Variants in ADAM12 observed in about 807,000 individuals in gnomAD.
ADAM12 encodes disintegrin and metalloproteinase domain-containing protein 12.
Under a neutral mutation model 106.4 loss-of-function variants are expected in ADAM12, and 70 were observed. The ratio of observed to expected loss-of-function variants is 0.66; its 90% CI spans 0.54 to 0.80. ADAM12 has a LOEUF of 0.80. Among genes scored for constraint, ADAM12 ranks in the 30% least tolerant of loss-of-function variants. ADAM12 has a pLI of 0.00. For synonymous variants in ADAM12, 420 were observed against 433.5 expected (o/e 0.97, Z 0.39); for missense variants, 1,010 against 1,171.9 (o/e 0.86, Z 2.02).
At chr10:126,373,547 G>C (rs2133923542) in intron 1 of ADAM12, among the ~76,000 whole-genome samples, 1 of 152,278 alleles carries the variant, frequency 6.6e-6, no homozygotes, top group East Asian at 1.9e-4. Flanking sequence ...ACTCGCTCTA[G>C]AGGCCATGAA....
intron 8 of ADAM12, 42 bp from the exon 9 acceptor site, chr10:126,101,283 G>A (rs370295047): frequency 5.7e-5 from 90 of 1,587,988 alleles, no homozygotes; most frequent in African/African-American, 9.4e-5. Flanking sequence ...TTGGGATCAC[G>A]TTAATAAAAA....
intron 17 of ADAM12, among the ~76,000 whole-genome samples, chr10:126,045,073 C>T (rs1463723478): frequency 6.6e-6 from 1 of 152,134 alleles, no homozygotes; most frequent in African/African-American, 2.4e-5. Context: ...TGGATAAGGC[C>T]AAGGGGTATT....
chr10:126,081,176 C>T (rs1029353712), intron 11 of ADAM12, among the ~76,000 whole-genome samples: 17 of 152,148 alleles, frequency 1.1e-4, no homozygotes, highest in African/African-American at 4.1e-4. Context: ...GTCTAGGTTC[C>T]CCACCTCCAA....
rs372339785 is a variant in ADAM12 at position 126,372,566 on chromosome 10, G to A, written c.88+15492C>T. On this transcript the variant is annotated intron_variant, in intron 1 of 22. Transcript: ENST00000448723. ...TATAACTACAACGCCAGAACACACA[G>A]CACTCTTGACCCACTAAATCCATAA... 1.4e-4 allele frequency among the ~76,000 whole-genome samples: 22 copies of A among 152,264 alleles called. 2 individuals carry two copies. The highest frequency in any genetic ancestry group is 5.1e-4 in the African/African-American group (21 of 41,558).
At chr10:126,326,234 A>G (rs3847469) in intron 2 of ADAM12, among the ~76,000 whole-genome samples, 32,393 of 151,436 alleles carry the variant, frequency 0.21, 3,718 homozygotes, top group Middle Eastern at 0.29. Flanking sequence ...ATCTGCATGG[A>G]CCTGCCTCAA....
chr10:126,256,402 C>A (rs1214689465), intron 3 of ADAM12, among the ~76,000 whole-genome samples: 1 of 152,168 alleles, frequency 6.6e-6, no homozygotes, highest in Non-Finnish European at 1.5e-5. Flanking sequence ...AGTGTCTAAA[C>A]CTCCCTGCTC....
chr10:126,197,897 G>A (rs1426998817), intron 3 of ADAM12, among the ~76,000 whole-genome samples: 2 of 152,180 alleles, frequency 1.3e-5, no homozygotes, highest in Non-Finnish European at 2.9e-5. Flanking sequence ...CGGGTGGTAC[G>A]TGGAAGGCCT....
intron 3 of ADAM12, among the ~76,000 whole-genome samples, chr10:126,257,917 A>C (rs926669070): frequency 6.6e-6 from 1 of 152,194 alleles, no homozygotes; most frequent in Admixed American, 6.5e-5. Context: ...CTTTACAGGC[A>C]CCATGCCTGG....
intron 14 of ADAM12, among the ~76,000 whole-genome samples, chr10:126,052,677 A>G (rs1323291904): frequency 1.3e-5 from 2 of 152,164 alleles, no homozygotes; most frequent in Non-Finnish European, 2.9e-5. Context: ...GGGGAGAGAG[A>G]GAGGACGAGA....
intron 7 of ADAM12, 38 bp downstream of exon 7, chr10:126,109,737 C>G (rs374873572): frequency 8.1e-5 from 129 of 1,584,714 alleles, no homozygotes; most frequent in Non-Finnish European, 1.1e-4. Context: ...TCTTTTATCT[C>G]TAACCAACCA....
intron 1 of ADAM12, among the ~76,000 whole-genome samples, chr10:126,334,086 G>C (rs898170490): frequency 6.6e-6 from 1 of 152,056 alleles, no homozygotes; most frequent in Non-Finnish European, 1.5e-5. Flanking sequence ...ATTTCTTTTA[G>C]ATGATGCAAA....
At chr10:126,055,129 A>G (rs953192460) in intron 14 of ADAM12, among the ~76,000 whole-genome samples, 1 of 152,188 alleles carries the variant, frequency 6.6e-6, no homozygotes, top group African/African-American at 2.4e-5. Context: ...CAGAACTATC[A>G]TCCAGCACAA....
intron 4 of ADAM12, among the ~76,000 whole-genome samples, chr10:126,142,966 A>T (rs1318034815): frequency 1.3e-5 from 2 of 151,620 alleles, no homozygotes; most frequent in Non-Finnish European, 2.9e-5. Context: ...ATGTGTGTAT[A>T]TCAGTGTGCA....
chr10:126,368,099 G>A lies in ADAM12; in HGVS notation c.88+19959C>T, dbSNP rs145499942. Among the ~76,000 whole-genome samples the A allele has an allele frequency of 4.2e-4, 64 of 151,838 alleles. 2 individuals are homozygous for A. Among genetic ancestry groups the A allele is most frequent in the Middle Eastern group, 3.4e-3 (1 of 294 alleles). On this transcript the variant is annotated intron_variant, in intron 1 of 22. Transcript: ENST00000448723. ...TGTGTATGTGTGTATATATATAAAC[G>A]TGTGCATATAAGTATATGTATGCAT... is the stretch of plus-strand genomic sequence containing the variant.
chr10:126,165,635 A>G (rs1323909070), intron 3 of ADAM12, among the ~76,000 whole-genome samples: 1 of 152,170 alleles, frequency 6.6e-6, no homozygotes, highest in Non-Finnish European at 1.5e-5. Context: ...AGCTCCAAAG[A>G]CCACCTGTTC....
In ADAM12 at chr10:126,013,203, A is replaced by AT. The variant is rs1262246327; in HGVS notation, c.*4075dup. The AT allele has an allele frequency of 6.6e-6, 1 of 152,138 alleles. No homozygotes were observed. Among genetic ancestry groups the AT allele is most frequent in the African/African-American group, 2.4e-5 (1 of 41,432 alleles). The allele number at this position is 152,138 out of a possible 1,614,324, so 9.4% of individuals were successfully genotyped here. On this transcript the variant is annotated 3_prime_UTR_variant, in exon 23 of 23. Transcript: ENST00000448723. The surrounding 1 kb of genome is among the most constrained non-coding windows in gnomAD (Gnocchi z 4.3). ...ATTACTGTTCCAAAAAGTAAAGGGGATTTTCTCTACAAAAGGAAAGAAAAT... is the reference window on the plus strand; with the variant it reads ...ATTACTGTTCCAAAAAGTAAAGGGGATTTTTCTCTACAAAAGGAAAGAAAAT...
At chr10:126,332,726 G>A (rs907461241) in intron 1 of ADAM12, among the ~76,000 whole-genome samples, 6 of 152,250 alleles carry the variant, frequency 3.9e-5, no homozygotes, top group South Asian at 2.1e-4. Context: ...TTCCTTTTCC[G>A]TAAAATGAGG....
intron 3 of ADAM12, among the ~76,000 whole-genome samples, chr10:126,267,304 CA>C (rs1375766026): frequency 6.6e-6 from 1 of 152,094 alleles, no homozygotes; most frequent in East Asian, 1.9e-4. Context: ...TTCCATGGAC[CA>C]GGGGTGGGGG....
At chr10:126,318,271 C>T (rs1853957983) in intron 2 of ADAM12, among the ~76,000 whole-genome samples, 2 of 151,938 alleles carry the variant, frequency 1.3e-5, no homozygotes, top group Non-Finnish European at 2.9e-5. Context: ...CATTCCCATA[C>T]ACTTTCACAC....
Sources: gnomAD v4.1 joint callset for allele counts (sites outside exome capture counted in the v4.1 genomes callset) on GRCh38, gnomAD v4.1.1 for gene constraint, Gnocchi (gnomAD v3.1) non-coding constraint, MANE v1.5 for transcripts, NCBI Gene and HGNC (gene_info 2026-07-23, HGNC 2026-07-21) for gene names.